RPS29: variants seen among roughly 807,000 people sequenced by gnomAD.
The protein encoded by RPS29 is small ribosomal subunit protein uS14.
For missense variants in RPS29, 60 were observed against 75.7 expected (o/e 0.79, Z 0.77); for synonymous variants, 37 against 26.9 (o/e 1.37, Z -1.16).
upstream of RPS29, among the ~76,000 whole-genome samples, chr14:49,591,285 TTC>T (rs1390799731): frequency 1.0e-5 from 1 of 98,690 alleles, no homozygotes; most frequent in Admixed American, 1.1e-4. Context: ...TTTAGAGGTT[TTC>T]TGTTTGTTTG....
upstream of RPS29, chr14:49,586,713 T>C (rs1248532238): frequency 1.5e-5 from 4 of 258,920 alleles, no homozygotes; most frequent in Admixed American, 1.8e-4. Flanking sequence ...GGCATCAATA[T>C]GGTGACCTCC....
At chr14:49,581,285 TCC>T, downstream of RPS29, among the ~76,000 whole-genome samples, 1 of 152,244 alleles carries the variant, frequency 6.6e-6, no homozygotes, top group South Asian at 2.1e-4. Context: ...ACACTTCCCC[TCC>T]TCTCAGATAA....
intron 1 of RPS29, 42 bp downstream of exon 1, chr14:49,586,243 C>G (rs759486165): frequency 1.9e-6 from 3 of 1,595,698 alleles, no homozygotes; most frequent in East Asian, 4.5e-5. Context: ...CAGCCTAGCG[C>G]TCCACGGCAA....
intron 2 of RPS29, 102 bp downstream of exon 2, chr14:49,585,848 T>G: frequency 1.2e-6 from 1 of 865,042 alleles, no homozygotes; most frequent in Non-Finnish European, 1.9e-6. Flanking sequence ...ATGCTCAGAA[T>G]TACCACTCCA....
chr14:49,596,655 CACT>C (rs949289454), intron 1 of RPS29, among the ~76,000 whole-genome samples: 1 of 151,996 alleles, frequency 6.6e-6, no homozygotes, highest in African/African-American at 2.4e-5. Flanking sequence ...CAGTATATAC[CACT>C]GTTTCACTCT....
downstream of RPS29, among the ~76,000 whole-genome samples, chr14:49,583,095 T>A (rs1053437840): frequency 1.3e-5 from 2 of 152,140 alleles, no homozygotes; most frequent in Non-Finnish European, 1.5e-5. Flanking sequence ...CACTCTGACC[T>A]CCCAAAGTGC....
chr14:49,588,383 G>C (rs187818455), upstream of RPS29, among the ~76,000 whole-genome samples: 159 of 152,200 alleles, frequency 1.0e-3, 1 homozygote, highest in Non-Finnish European at 3.8e-4. Context: ...CTAAGACGTC[G>C]TACTTCCTTT....
At chr14:49,571,103 C>G (rs754643917) in exon 3 of RPS29, 22 of 152,264 alleles carry the variant, frequency 1.4e-4, no homozygotes, top group Admixed American at 1.2e-3. Context: ...ACCATTTCCA[C>G]GAGTTTAGCC....
intron 2 of RPS29, among the ~76,000 whole-genome samples, chr14:49,585,038 C>G (rs1280996378): frequency 2.6e-5 from 4 of 152,016 alleles, no homozygotes; most frequent in African/African-American, 9.7e-5. Flanking sequence ...CTTTCCGGCC[C>G]CAAACTTTAA....
intron 1 of RPS29, among the ~76,000 whole-genome samples, chr14:49,595,093 TA>T: frequency 6.6e-6 from 1 of 152,314 alleles, no homozygotes; most frequent in Middle Eastern, 3.4e-3. Flanking sequence ...TATTTGGAGA[TA>T]TTTTTCTCCA....
intron 1 of RPS29, among the ~76,000 whole-genome samples, chr14:49,595,186 T>G: frequency 6.6e-6 from 1 of 152,100 alleles, no homozygotes; most frequent in East Asian, 1.9e-4. Flanking sequence ...GTATTGAGTC[T>G]TAGATGATGT....
upstream of RPS29, chr14:49,586,616 C>T (rs889398192): frequency 1.0e-5 from 5 of 484,450 alleles, no homozygotes; most frequent in African/African-American, 7.8e-5. Context: ...GTCCCAGCTA[C>T]TCGGGAGGCT....
intron 1 of RPS29, chr14:49,592,225 T>A (rs1338784811): frequency 6.6e-6 from 1 of 152,076 alleles, no homozygotes; most frequent in Non-Finnish European, 1.5e-5. Flanking sequence ...GTTTTTTTTT[T>A]TATTTTTTAT....
downstream of RPS29, chr14:49,583,473 T>G (rs1881404054): frequency 1.9e-6 from 1 of 524,922 alleles, no homozygotes; most frequent in South Asian, 2.7e-5. Flanking sequence ...GCCACTGCAC[T>G]CCAGCCTGGC....
downstream of RPS29, among the ~76,000 whole-genome samples, chr14:49,579,036 G>C (rs1439369877): frequency 1.3e-5 from 2 of 152,140 alleles, no homozygotes; most frequent in East Asian, 3.8e-4. Context: ...TTGTATTAAA[G>C]GAGATTCTAC....
At chr14:49,594,725 C>T (rs760114867) in intron 1 of RPS29, among the ~76,000 whole-genome samples, 2 of 152,264 alleles carry the variant, frequency 1.3e-5, no homozygotes, top group Non-Finnish European at 2.9e-5. Flanking sequence ...ATCCTTCACA[C>T]ATGTCCTCCT....
upstream of RPS29, among the ~76,000 whole-genome samples, chr14:49,590,196 G>A (rs908338213): frequency 5.3e-5 from 8 of 152,102 alleles, no homozygotes; most frequent in Non-Finnish European, 1.2e-4. Context: ...AAAAACACCT[G>A]GCCAGGCATG....
upstream of RPS29, among the ~76,000 whole-genome samples, chr14:49,590,107 T>A (rs1374462157): frequency 6.6e-6 from 1 of 152,202 alleles, no homozygotes; most frequent in Non-Finnish European, 1.5e-5. Flanking sequence ...ACCTGGGTGA[T>A]GAAATAATAA....
chr14:49,588,743 G>A (rs192893825), upstream of RPS29, among the ~76,000 whole-genome samples: 4 of 151,804 alleles, frequency 2.6e-5, no homozygotes, highest in Admixed American at 2.6e-4. Flanking sequence ...TGGCTAGGCT[G>A]GTCTCGAAGT....
Sources: gnomAD v4.1 joint callset for allele counts (sites outside exome capture counted in the v4.1 genomes callset) on GRCh38, gnomAD v4.1.1 for gene constraint, MANE v1.5 for transcripts, NCBI Gene and HGNC (gene_info 2026-07-23, HGNC 2026-07-21) for gene names.